ERBB4: variants seen among roughly 807,000 people sequenced by gnomAD.
ERBB4 encodes erb-b2 receptor tyrosine kinase 4.
Under a neutral mutation model 158.0 loss-of-function variants are expected in ERBB4, and 42 were observed. That is an observed-to-expected ratio of 0.27 (90% CI 0.21 to 0.34). The LOEUF is 0.34. ERBB4 is among the 10% of genes least tolerant of loss of function. ERBB4 has a pLI of 1.00. For synonymous variants in ERBB4, 583 were observed against 558.7 expected (o/e 1.04, Z -0.61); for missense variants, 1,333 against 1,624.1 (o/e 0.82, Z 3.08).
chr2:211,470,395 G>A (rs2064802912), intron 20 of ERBB4, among the ~76,000 whole-genome samples: 1 of 151,920 alleles, frequency 6.6e-6, no homozygotes, highest in Admixed American at 6.6e-5. Context: ...GTGTAAAATT[G>A]GAACATATTA....
intron 1 of ERBB4, among the ~76,000 whole-genome samples, chr2:212,429,748 A>G (rs73062352): frequency 0.024 from 3,714 of 152,106 alleles, 147 homozygotes; most frequent in African/African-American, 0.084. Flanking sequence ...AAACCTGTCT[A>G]GGTCTGACCC....
rs115031220 is a variant in ERBB4, at chr2:211,388,887, A to G, written c.3136-895T>C. Among the ~76,000 whole-genome samples, 343 of 152,326 alleles carry G rather than the reference A, an allele frequency of 2.3e-3. 1 individual carries two copies. Among genetic ancestry groups the G allele is most frequent in the African/African-American group, 7.8e-3 (325 of 41,578 alleles). The stretch of plus-strand genomic sequence containing the variant: ...CACATTTTTTGAGAACCTACTGTCT[A>G]TGTGCCAGGCACTTTTCTAGGCACA... On this transcript the variant is annotated intron_variant, in intron 25 of 27. Coordinates refer to ENST00000342788, the MANE Select transcript of ERBB4 (RefSeq NM_005235.3).
At chr2:211,407,440 G>A (rs376738147) in intron 25 of ERBB4, among the ~76,000 whole-genome samples, 41 of 152,178 alleles carry the variant, frequency 2.7e-4, no homozygotes, top group African/African-American at 9.2e-4. Context: ...TCTTCCCAGG[G>A]AGGGAAACAA....
At chr2:211,567,010 T>C (rs2067569346) in intron 19 of ERBB4, among the ~76,000 whole-genome samples, 1 of 152,212 alleles carries the variant, frequency 6.6e-6, no homozygotes, top group Admixed American at 6.5e-5. Context: ...CTAGCACATC[T>C]TGATGTCTCC....
rs1248122407 is a variant in ERBB4 at position 211,850,697 on chromosome 2, T to C, written c.422-62538A>G. 2.6e-5 allele frequency among the ~76,000 whole-genome samples: 4 copies of C among 152,028 alleles called. No individual in the cohort carries two copies. In the East Asian group the frequency reaches 7.7e-4, roughly 29 times the overall value. ...GTTTGGAGAACAGTATTAATTCATA[T>C]GGCTGGTAGGTATTTGACATGTAGG... On this transcript the variant is annotated intron_variant, in intron 3 of 27. Transcript: ENST00000342788.
intron 25 of ERBB4, among the ~76,000 whole-genome samples, chr2:211,404,540 ACTT>A (rs1186823386): frequency 1.3e-5 from 2 of 152,116 alleles, no homozygotes; most frequent in Non-Finnish European, 2.9e-5. Flanking sequence ...AAAATTTACT[ACTT>A]GTTATTACAA....
intron 2 of ERBB4, among the ~76,000 whole-genome samples, chr2:212,009,583 C>G (rs2076336871): frequency 6.6e-6 from 1 of 152,066 alleles, no homozygotes; most frequent in African/African-American, 2.4e-5. Context: ...GCTAATATAG[C>G]TACCAAATCA....
chr2:211,512,957 T>C (rs1011933747), intron 20 of ERBB4, among the ~76,000 whole-genome samples: 2 of 152,216 alleles, frequency 1.3e-5, no homozygotes, highest in Non-Finnish European at 2.9e-5. Context: ...CAAGTTTTCA[T>C]GATGAGGTCA....
chr2:211,670,606 G>C (rs939220489), intron 14 of ERBB4, among the ~76,000 whole-genome samples: 3 of 151,996 alleles, frequency 2.0e-5, no homozygotes, highest in African/African-American at 7.2e-5. Context: ...GAGACTGGAT[G>C]GTAAAATTGT....
intron 2 of ERBB4, among the ~76,000 whole-genome samples, chr2:212,054,331 G>C (rs1367498467): frequency 6.6e-6 from 1 of 152,072 alleles, no homozygotes; most frequent in Admixed American, 6.6e-5. Flanking sequence ...GAAGGTTTTT[G>C]CTGGAACAGA....
At chr2:211,729,469 A>C (rs1315712304) in intron 5 of ERBB4, among the ~76,000 whole-genome samples, 1 of 151,790 alleles carries the variant, frequency 6.6e-6, no homozygotes, top group Non-Finnish European at 1.5e-5. Context: ...ACAAAACAAC[A>C]AGCTTAACTG....
rs143341825 is a variant in ERBB4 at position 212,395,575 on chromosome 2, G to A, written c.82+142874C>T. Among the ~76,000 whole-genome samples the A allele has an allele frequency of 4.9e-3, 744 of 151,080 alleles. 2 individuals are homozygous for A. Among genetic ancestry groups the A allele is most frequent in the African/African-American group, 0.017 (705 of 41,224 alleles). ...CTATGTGTTAGCATCTTTGGCTTGG[G>A]AGTATTAATGACAGGACAGAATAGC... On this transcript the variant is annotated intron_variant, in intron 1 of 27. Transcript: ENST00000342788.
intron 17 of ERBB4, among the ~76,000 whole-genome samples, chr2:211,624,451 A>T (rs2069759197): frequency 6.6e-6 from 1 of 152,158 alleles, no homozygotes; most frequent in African/African-American, 2.4e-5. Flanking sequence ...CAGGGCTGTT[A>T]AAACTTTAGT....
intron 1 of ERBB4, among the ~76,000 whole-genome samples, chr2:212,467,756 G>A (rs1171840932): frequency 1.3e-5 from 2 of 152,206 alleles, no homozygotes; most frequent in African/African-American, 4.8e-5. Flanking sequence ...GGAGCTGTGA[G>A]AAGAGGGCCA....
intron 20 of ERBB4, among the ~76,000 whole-genome samples, chr2:211,496,608 C>T (rs890280951): frequency 2.0e-5 from 3 of 151,856 alleles, no homozygotes; most frequent in Non-Finnish European, 4.4e-5. Context: ...ACACAGGTTA[C>T]CATATCATCT....
chr2:211,458,411 C>T (rs1448975251), intron 20 of ERBB4, among the ~76,000 whole-genome samples: 3 of 152,042 alleles, frequency 2.0e-5, no homozygotes, highest in Admixed American at 6.6e-5. Flanking sequence ...GGATTACAGG[C>T]ACGTGCCATC....
At chr2:212,514,001 T>C (rs1035303345) in intron 1 of ERBB4, among the ~76,000 whole-genome samples, 12 of 152,132 alleles carry the variant, frequency 7.9e-5, no homozygotes, top group African/African-American at 2.9e-4. Context: ...TAATAAGAAG[T>C]GGTCTTAAAT....
intron 15 of ERBB4, among the ~76,000 whole-genome samples, chr2:211,658,154 A>C (rs966994984): frequency 6.6e-6 from 1 of 152,236 alleles, no homozygotes; most frequent in Admixed American, 6.5e-5. Flanking sequence ...ATGAATACAC[A>C]GAAATGAATT....
intron 1 of ERBB4, among the ~76,000 whole-genome samples, chr2:212,493,228 T>C (rs1690375499): frequency 6.6e-6 from 1 of 151,520 alleles, no homozygotes; most frequent in African/African-American, 2.4e-5. Context: ...TGTGTCGCTA[T>C]GTATACACAA....
Sources: gnomAD v4.1 joint callset for allele counts (sites outside exome capture counted in the v4.1 genomes callset) on GRCh38, gnomAD v4.1.1 for gene constraint, MANE v1.5 for transcripts, NCBI Gene and HGNC (gene_info 2026-07-23, HGNC 2026-07-21) for gene names.